Variants in PHF14 observed in about 807,000 individuals in gnomAD.
PHF14 encodes the protein PHD finger protein 14.
PHF14 carries 55 observed loss-of-function variants against 117.9 expected under a neutral mutation model. That is an observed-to-expected ratio of 0.47 (90% CI 0.38 to 0.58). The LOEUF is 0.58. PHF14 is among the 20% of genes least tolerant of loss of function. PHF14 has a pLI of 0.00. For synonymous variants in PHF14, 409 were observed against 368.6 expected (o/e 1.11, Z -1.26); for missense variants, 978 against 1,122.2 (o/e 0.87, Z 1.84).
Position 11,079,488 on chromosome 7 carries a change from G to A in PHF14, c.2654+17403G>A, listed in dbSNP as rs145419154. On this transcript the variant is annotated intron_variant, in intron 16 of 17. Transcript: ENST00000634607. ...CATGAACCAAGTGAAAAGATGTTCT[G>A]GAATAATAGTAACATTTCCCTTGAT... Among the ~76,000 whole-genome samples the A allele has an allele frequency of 3.9e-3, 592 of 152,158 alleles. 4 individuals are homozygous for A. Among genetic ancestry groups the A allele is most frequent in the African/African-American group, 0.014 (569 of 41,530 alleles).
At chr7:11,148,738 A>G (rs906152788) in intron 17 of PHF14, among the ~76,000 whole-genome samples, 3 of 152,194 alleles carry the variant, frequency 2.0e-5, no homozygotes, top group African/African-American at 7.2e-5. Flanking sequence ...ACATTTATAT[A>G]AGTTTAATTC....
intron 13 of PHF14, among the ~76,000 whole-genome samples, chr7:11,049,243 C>T (rs990620782): frequency 6.6e-6 from 1 of 152,036 alleles, no homozygotes; most frequent in East Asian, 1.9e-4. Context: ...AAGGCTGAGG[C>T]GGGAGGATCA....
chr7:11,075,884 C>G (rs1029954680), intron 16 of PHF14, among the ~76,000 whole-genome samples: 3 of 152,130 alleles, frequency 2.0e-5, no homozygotes, highest in Non-Finnish European at 2.9e-5. Context: ...GTAATCCCAG[C>G]ACTTTGGGAG....
At chr7:11,077,742 A>G (rs1221766249) in intron 16 of PHF14, among the ~76,000 whole-genome samples, 5 of 151,850 alleles carry the variant, frequency 3.3e-5, no homozygotes, top group South Asian at 4.2e-4. Flanking sequence ...CATTATTACT[A>G]TTACTATATT....
At position 11,169,550 on chromosome 7, in the gene PHF14, TAATTGTAAAATGTTA is replaced by T; in HGVS notation, c.*72_*86del. ...CTTATGTAATAGCAGATAAAATTTC[TAATTGTAAAATGTTA>T]AATTGTAAAATCTAATTTGCAAAAT... is the stretch of plus-strand genomic sequence containing the variant. On this transcript the variant is annotated 3_prime_UTR_variant, in exon 18 of 18. Coordinates refer to ENST00000634607, the MANE Select transcript of PHF14 (RefSeq NM_001007157.2). 2.9e-6 allele frequency: 2 copies of T among 688,256 alleles called. No individual in the cohort carries two copies. Among genetic ancestry groups the T allele is most frequent in the Non-Finnish European group, 4.7e-6 (2 of 428,468 alleles). The allele number at this position is 688,256 out of a possible 1,614,324, so 42.6% of individuals were successfully genotyped here.
chr7:11,085,426 G>T (rs935354212), intron 16 of PHF14, among the ~76,000 whole-genome samples: 26 of 152,138 alleles, frequency 1.7e-4, no homozygotes, highest in Admixed American at 1.7e-3. Context: ...GTAACCTTTT[G>T]TGTAATGTAT....
chr7:11,162,810 C>T (rs923460867), intron 17 of PHF14, among the ~76,000 whole-genome samples: 10 of 151,816 alleles, frequency 6.6e-5, no homozygotes, highest in Admixed American at 2.0e-4. Flanking sequence ...CTCAGCCTCC[C>T]GAGTGGCCGG....
intron 3 of PHF14, among the ~76,000 whole-genome samples, chr7:10,987,922 A>G (rs1782280762): frequency 6.6e-6 from 1 of 151,010 alleles, no homozygotes; most frequent in Non-Finnish European, 1.5e-5. Context: ...AGGCTGAGGC[A>G]GGAGAATCGC....
chr7:11,107,384 GT>G, intron 16 of PHF14: 2 of 860,102 alleles, frequency 2.3e-6, no homozygotes, highest in Non-Finnish European at 2.8e-6. Context: ...TTGTTAATGG[GT>G]AAAAGACCAT....
intron 4 of PHF14, among the ~76,000 whole-genome samples, chr7:10,997,060 A>G (rs1583344562): frequency 6.6e-6 from 1 of 152,206 alleles, no homozygotes. Flanking sequence ...TGCCTTTTGC[A>G]TATTTGCCTC....
chr7:11,082,435 C>T (rs1562456655), intron 16 of PHF14, among the ~76,000 whole-genome samples: 1 of 152,178 alleles, frequency 6.6e-6, no homozygotes, highest in African/African-American at 2.4e-5. Context: ...GTTTGTCTAT[C>T]CTAAATTAGC....
At chr7:11,043,950 G>A (rs2128324409) in intron 13 of PHF14, among the ~76,000 whole-genome samples, 1 of 152,132 alleles carries the variant, frequency 6.6e-6, no homozygotes. Context: ...TGCTCAGCCT[G>A]CAGAGCTCTG....
intron 2 of PHF14, among the ~76,000 whole-genome samples, chr7:10,977,985 A>C (rs927415165): frequency 1.3e-5 from 2 of 151,526 alleles, no homozygotes; most frequent in Non-Finnish European, 2.9e-5. Flanking sequence ...GACATGTATT[A>C]CTTCTATTAA....
At chr7:11,138,293 G>A (rs1231209267) in intron 17 of PHF14, among the ~76,000 whole-genome samples, 4 of 151,664 alleles carry the variant, frequency 2.6e-5, no homozygotes, top group Non-Finnish European at 5.9e-5. Flanking sequence ...CACCCGCCTC[G>A]GCCCCCCAAA....
intron 16 of PHF14, chr7:11,071,362 A>C (rs1294537506): frequency 6.4e-6 from 3 of 467,714 alleles, no homozygotes; most frequent in Admixed American, 4.6e-5. Context: ...GATTATGTAG[A>C]CTATGATTAT....
At chr7:11,167,886 G>A (rs1474480599) in intron 17 of PHF14, among the ~76,000 whole-genome samples, 3 of 151,888 alleles carry the variant, frequency 2.0e-5, no homozygotes, top group African/African-American at 7.3e-5. Flanking sequence ...AAAATTAGCC[G>A]GGCGTGGTGG....
chr7:11,132,460 T>C (rs935316565), intron 17 of PHF14, among the ~76,000 whole-genome samples: 1 of 151,768 alleles, frequency 6.6e-6, no homozygotes, highest in East Asian at 1.9e-4. Context: ...TAACATCTCA[T>C]TTATATACCA....
chr7:11,076,570 T>TTC (rs1554268610), intron 16 of PHF14, among the ~76,000 whole-genome samples: 4 of 146,532 alleles, frequency 2.7e-5, no homozygotes, highest in African/African-American at 9.9e-5. Flanking sequence ...TCTTTTTCTT[T>TTC]TTTTTTTTTT....
intron 16 of PHF14, among the ~76,000 whole-genome samples, chr7:11,072,695 G>C (rs1785659448): frequency 1.1e-5 from 1 of 93,652 alleles, no homozygotes; most frequent in Admixed American, 1.1e-4. Flanking sequence ...TGTTTACATT[G>C]CTATAAATAC....
Sources: gnomAD v4.1 joint callset for allele counts (sites outside exome capture counted in the v4.1 genomes callset) on GRCh38, gnomAD v4.1.1 for gene constraint, MANE v1.5 for transcripts, NCBI Gene and HGNC (gene_info 2026-07-23, HGNC 2026-07-21) for gene names.